Variants in INTS11 observed in about 807,000 individuals in gnomAD.
The protein encoded by INTS11 is integrator complex subunit 11.
In INTS11, 77 loss-of-function variants were observed where a neutral mutation model predicts 78.6. The observed-to-expected ratio is 0.98, with a 90% CI of 0.81 to 1.18. INTS11 has a LOEUF of 1.18. Among genes scored for constraint, INTS11 ranks in the 50% most tolerant of loss-of-function variants. The pLI is 0.00. For synonymous variants in INTS11, 441 were observed against 326.9 expected, an observed-to-expected ratio of 1.35 and a Z score of -3.77; for missense variants, 875 against 825.9, an observed-to-expected ratio of 1.06 and a Z score of -0.73.
At position 1,321,016 on chromosome 1, in the gene INTS11, G is replaced by A. The variant is rs777759454; in HGVS notation, c.106C>T (p.His36Tyr). 6.2e-7 allele frequency: 1 copy of A among 1,613,126 alleles called. No individual in the cohort carries two copies. Among genetic ancestry groups the A allele is most frequent in the Non-Finnish European group, 8.5e-7 (1 of 1,179,924 alleles). ...CTCACGTCGTCATTGAAGCCCATGT[G>A]CATTCCACAGTCCAGCATGACATTC... ...GKNVMLDCGMHMGFNDDRRFP... is the reference protein window; with the variant it reads ...GKNVMLDCGMYMGFNDDRRFP... Residue 36 changes from histidine (H) to tyrosine (Y), a missense_variant, in exon 2 of 17, where the codon CAC (histidine) becomes TAC (tyrosine). His to Tyr is a moderately conservative substitution (Grantham distance 83). Transcript: ENST00000435064.
Position 1,311,760 on chromosome 1 carries a change from A to G in INTS11, c.*99T>C. On this transcript the variant is annotated 3_prime_UTR_variant, in exon 17 of 17. Coordinates refer to ENST00000435064, the MANE Select transcript of INTS11 (RefSeq NM_017871.6). ...CTCTGTCCCCAGGGATGGGACCTGC[A>G]GGGTCTGTTCACCCAGGGCACCCAC... 8.1e-7 allele frequency: 1 copy of G among 1,228,136 alleles called. No individual in the cohort carries two copies. The highest frequency in any genetic ancestry group is 2.4e-5 in the East Asian group (1 of 42,278). 76.1% of individuals were successfully genotyped at this position (1,228,136 alleles called of 1,614,324 possible).
chr1:1,315,743 CGGGGGCGGGAGCGAGGGAGGT>C (rs1642550663), intron 4 of INTS11, 125 bp from the exon 5 acceptor site: 1 of 68,458 alleles, frequency 1.5e-5, no homozygotes, highest in Admixed American at 1.6e-4. Context: ...AGCGAGGGGG[CGGGGGCGGGAGCGAGGGAGGT>C]GGGGGCGGGG....
chr1:1,314,777 A>G lies in INTS11; in HGVS notation c.702+47T>C, dbSNP rs756506402. The G allele has an allele frequency of 3.8e-6, 6 of 1,575,982 alleles. No individual in the cohort carries two copies. In the African/African-American group the frequency reaches 8.1e-5, roughly 21 times the overall value. ...GGCAGCCAAGCCTGCCAGAAAGACC[A>G]GCCCAGCATGGCCGAGGGCCCATGT... On this transcript the variant is annotated intron_variant, in intron 7 of 16. Coordinates refer to ENST00000435064, the MANE Select transcript of INTS11 (RefSeq NM_017871.6). The surrounding 1 kb of genome is among the most constrained non-coding windows in gnomAD (Gnocchi z 4.2).
chr1:1,312,213 G>GGGGGGGGGCCCCCCCCCC lies in INTS11; in HGVS notation c.1607+12_1607+13insGGGGGGGGGGCCCCCCCC. On this transcript the variant is annotated intron_variant, in intron 15 of 16. Coordinates refer to ENST00000435064, the MANE Select transcript of INTS11 (RefSeq NM_017871.6). ...CCCAAGGGAGTGGGGGGGGGGCGGG[G>GGGGGGGGGCCCCCCCCCC]CCGGGCGCCCACCTCTTGAGGTGGC... is the stretch of plus-strand genomic sequence containing the variant. 2 of 934,600 alleles carry GGGGGGGGGCCCCCCCCCC rather than the reference G, an allele frequency of 2.1e-6. No individual in the cohort carries two copies. Among genetic ancestry groups the GGGGGGGGGCCCCCCCCCC allele is most frequent in the African/African-American group, 1.8e-5 (1 of 55,394 alleles). 57.9% of individuals were successfully genotyped at this position (934,600 alleles called of 1,614,324 possible).
At chr1:1,324,508 G>A in intron 1 of INTS11, 73 bp downstream of exon 1, 2 of 1,468,014 alleles carry the variant, frequency 1.4e-6, no homozygotes, top group African/African-American at 1.5e-5. Flanking sequence ...AAACGGGAGG[G>A]AGCGGGGCGC....
At chr1:1,313,175 C>G in intron 10 of INTS11, 51 bp from the exon 11 acceptor site, 2 of 1,560,028 alleles carry the variant, frequency 1.3e-6, no homozygotes, top group Non-Finnish European at 1.7e-6. Context: ...CTTGGCACCT[C>G]AAGGCCTTGC....
chr1:1,312,213 G>GCCGGGCGCCCCCCCCC lies in INTS11; in HGVS notation c.1607+12_1607+13insGGGGGGGGGCGCCCGG. Reference sequence around the variant, plus strand: ...CCCAAGGGAGTGGGGGGGGGGCGGGGCCGGGCGCCCACCTCTTGAGGTGGC... The same window carrying GCCGGGCGCCCCCCCCC: ...CCCAAGGGAGTGGGGGGGGGGCGGGGCCGGGCGCCCCCCCCCCCGGGCGCCCACCTCTTGAGGTGGC... On this transcript the variant is annotated intron_variant, in intron 15 of 16. Coordinates refer to ENST00000435064, the MANE Select transcript of INTS11 (RefSeq NM_017871.6). The GCCGGGCGCCCCCCCCC allele has an allele frequency of 2.1e-6, 2 of 934,592 alleles. No individual in the cohort carries two copies. The highest frequency in any genetic ancestry group is 2.9e-5 in the East Asian group (1 of 34,238). The allele number at this position is 934,592 out of a possible 1,614,324, so 57.9% of individuals were successfully genotyped here. A position where few individuals can be genotyped will look rare whatever the true frequency, so the allele number is the denominator to read the frequency against.
intron 1 of INTS11, chr1:1,323,062 G>C: frequency 6.8e-7 from 1 of 1,467,700 alleles, no homozygotes; most frequent in Admixed American, 2.1e-5. Context: ...AGAGAGCAGG[G>C]GAGGGCAGTG....
chr1:1,324,533 G>T, intron 1 of INTS11, 48 bp downstream of exon 1: 1 of 1,566,624 alleles, frequency 6.4e-7, no homozygotes, highest in Non-Finnish European at 8.7e-7. Context: ...CCCGCCCGGA[G>T]CCGCATACGG....
chr1:1,312,902 C>T lies in INTS11; in HGVS notation c.1179G>A (p.Ala393=), dbSNP rs747524962. 77 of 1,612,388 alleles carry T rather than the reference C, an allele frequency of 4.8e-5. No individual in the cohort carries two copies. Among genetic ancestry groups the T allele is most frequent in the African/African-American group, 6.7e-5 (5 of 74,950 alleles). Residue 393 remains alanine, a synonymous_variant, in exon 12 of 17, where the codon GCG becomes GCA. Transcript: ENST00000435064. ...CCAGCTGCATGATGCCCTTGGCGTC[C>T]GCGTGTGCGCTGAATGACATGTACT... The part of the protein sequence containing the change: ...QVEYMSFSAH[A]DAKGIMQLVG...
At chr1:1,315,115 C>T (rs949912946) in intron 6 of INTS11, 153 bp from the exon 7 acceptor site, 1 of 990,108 alleles carries the variant, frequency 1.0e-6, no homozygotes, top group East Asian at 2.6e-5. Flanking sequence ...GTGGGCAGCA[C>T]ACTTGGGAAG....
Position 1,314,618 on chromosome 1 carries a change from A to G in INTS11, c.702+206T>C, listed in dbSNP as rs376640574. The G allele has an allele frequency of 7.3e-6, 5 of 688,034 alleles. No individual in the cohort carries two copies. 42.6% of individuals were successfully genotyped at this position (688,034 alleles called of 1,614,324 possible). ...GGAGCCTGGCCAGGGCTTCGTCCGC[A>G]CCTGAGGTAGGAGGGAAAAGGGGCT... On this transcript the variant is annotated intron_variant, in intron 7 of 16. Coordinates refer to ENST00000435064, the MANE Select transcript of INTS11 (RefSeq NM_017871.6). The surrounding 1 kb of genome is among the most constrained non-coding windows in gnomAD (Gnocchi z 4.2).
In INTS11 at chr1:1,314,036, T is replaced by C. The variant is rs1642418734; in HGVS notation, c.768-115A>G. The C allele has an allele frequency of 9.0e-7, 1 of 1,108,776 alleles. No homozygotes were observed. Among genetic ancestry groups the C allele is most frequent in the Admixed American group, 2.1e-5 (1 of 47,414 alleles). The allele number at this position is 1,108,776 out of a possible 1,614,324, so 68.7% of individuals were successfully genotyped here. ...TGCACAGCCCACGCACGGGCCAGGTTGAGTCCAGTCGCGACCACTTGTCCC... is the reference window on the plus strand; with the variant it reads ...TGCACAGCCCACGCACGGGCCAGGTCGAGTCCAGTCGCGACCACTTGTCCC... On this transcript the variant is annotated intron_variant, in intron 8 of 16. Coordinates refer to ENST00000435064, the MANE Select transcript of INTS11 (RefSeq NM_017871.6). This position sits in a 1 kb window ranked among gnomAD's most constrained non-coding sequence, Gnocchi z 4.2.
rs527290726 is a variant in INTS11 at position 1,315,699 on chromosome 1, C to T, written c.430-81G>A. 62 of 117,448 alleles carry T rather than the reference C, an allele frequency of 5.3e-4. 1 individual carries two copies. The East Asian group carries it at 9.8e-3, about 18-fold the overall frequency. 7.3% of individuals were successfully genotyped at this position (117,448 alleles called of 1,614,324 possible). A position where few individuals can be genotyped will look rare whatever the true frequency, so the allele number is the denominator to read the frequency against. ...TGAGGGAGGCGGGGGACGGGAAGCG[C>T]GGGAGGCGGGGGTGGGGAGCGTGGG... On this transcript the variant is annotated intron_variant, in intron 4 of 16. Coordinates refer to ENST00000435064, the MANE Select transcript of INTS11 (RefSeq NM_017871.6).
intron 1 of INTS11, 65 bp downstream of exon 1, chr1:1,324,516 C>T (rs888136914): frequency 2.0e-6 from 3 of 1,499,126 alleles, no homozygotes; most frequent in African/African-American, 1.5e-5. Context: ...GGGAGCGGGG[C>T]GCCCAGCCCG....
intron 3 of INTS11, chr1:1,320,172 G>A (rs923337620): frequency 2.4e-6 from 1 of 420,854 alleles, no homozygotes; most frequent in South Asian, 2.6e-5. Context: ...CAACAAGACA[G>A]TGGGGTTTAA....
At chr1:1,322,526 A>G (rs1569572254) in intron 1 of INTS11, among the ~76,000 whole-genome samples, 1 of 100,220 alleles carries the variant, frequency 1.0e-5, no homozygotes, top group African/African-American at 3.9e-5. Flanking sequence ...CGAGAAGCCA[A>G]CTTTTGAGCA....
rs745666726 is a variant in INTS11, at chr1:1,321,042, T to C, written c.80A>G (p.Lys27Arg). 6.2e-7 allele frequency: 1 copy of C among 1,613,102 alleles called. No individual in the cohort carries two copies. The highest frequency in any genetic ancestry group is 1.3e-5 in the African/African-American group (1 of 75,054). ...RSCILVSIAGKNVMLDCGMHM... is the reference protein window; with the variant it reads ...RSCILVSIAGRNVMLDCGMHM... ...CATTCCACAGTCCAGCATGACATTC[T>C]TGCCCGCAATGGAGACCAGGATGCA... Residue 27 changes from lysine to arginine, a missense_variant, in exon 2 of 17, where the codon AAG becomes AGG. By Grantham distance (26) the Lys-to-Arg change is conservative. Transcript: ENST00000435064.
At position 1,312,577 on chromosome 1, in the gene INTS11, T is replaced by A; in HGVS notation, c.1402+16A>T. On this transcript the variant is annotated intron_variant, in intron 13 of 16. Coordinates refer to ENST00000435064, the MANE Select transcript of INTS11 (RefSeq NM_017871.6). ...CTGCCCCGAGCACCCTGCCCTGCCC[T>A]GCCCAGCCCGCATACCCTGCGCCAT... 3 of 1,576,356 alleles carry A rather than the reference T, an allele frequency of 1.9e-6. No homozygotes were observed. In the South Asian group the frequency reaches 3.5e-5, roughly 18 times the overall value.
Sources: allele counts gnomAD v4.1 joint callset (sites outside exome capture counted in the v4.1 genomes callset), GRCh38; gene constraint gnomAD v4.1.1; non-coding constraint Gnocchi (gnomAD v3.1); transcripts MANE v1.5; gene names NCBI Gene and HGNC (gene_info 2026-07-23, HGNC 2026-07-21).